Variants in SIK3 observed in about 807,000 individuals in gnomAD.
The protein encoded by SIK3 is serine/threonine-protein kinase SIK3.
Under a neutral mutation model 144.2 loss-of-function variants are expected in SIK3, and 28 were observed. The ratio of observed to expected loss-of-function variants is 0.19; its 90% CI spans 0.14 to 0.27. The LOEUF is 0.27. Among genes scored for constraint, SIK3 ranks in the 10% least tolerant of loss-of-function variants. The probability of loss-of-function intolerance (pLI) is 1.00; values close to 1 mark genes in which losing one functional copy is unlikely to be tolerated. For synonymous variants in SIK3, 686 were observed against 676.3 expected (o/e 1.01, Z -0.22); for missense variants, 1,319 against 1,776.0 (o/e 0.74, Z 4.62).
chr11:116,900,225 A>G (rs527650431), intron 4 of SIK3, among the ~76,000 whole-genome samples: 4 of 152,288 alleles, frequency 2.6e-5, no homozygotes, highest in African/African-American at 9.6e-5. Context: ...CTGTGTTACT[A>G]GAAACACTGG....
At chr11:116,983,240 A>T (rs1412276478) in intron 1 of SIK3, among the ~76,000 whole-genome samples, 4 of 147,730 alleles carry the variant, frequency 2.7e-5, no homozygotes, top group Non-Finnish European at 6.0e-5. Context: ...AAAAAAAAAA[A>T]AAATTGATCG....
chr11:116,875,492 C>T (rs1944205073), intron 9 of SIK3, 41 bp from the exon 10 acceptor site: 1 of 1,582,126 alleles, frequency 6.3e-7, no homozygotes, highest in African/African-American at 1.3e-5. Flanking sequence ...ACCTTTAACA[C>T]TAGAGAGAAA....
At position 116,847,616 on chromosome 11, in the gene SIK3, A is replaced by G; in HGVS notation, c.3820-8T>C. ...CAAGTTATCCAGCTGTACCTGCAGAAAACAGTTAAGAGAAGAAATAAGCAC... is the reference window on the plus strand; with the variant it reads ...CAAGTTATCCAGCTGTACCTGCAGAGAACAGTTAAGAGAAGAAATAAGCAC... On this transcript the variant is annotated splice_polypyrimidine_tract_variant and splice_region_variant and intron_variant, in intron 22 of 24. Transcript: ENST00000445177. The G allele has an allele frequency of 1.2e-6, 2 of 1,614,124 alleles. No individual in the cohort carries two copies. The highest frequency in any genetic ancestry group is 1.3e-5 in the African/African-American group (1 of 75,056).
chr11:116,868,017 T>C lies in SIK3; in HGVS notation c.1881A>G (p.Leu627=). The C allele has an allele frequency of 6.4e-7, 1 of 1,550,622 alleles. No homozygotes were observed. Among genetic ancestry groups the C allele is most frequent in the Non-Finnish European group, 8.7e-7 (1 of 1,146,984 alleles). The part of the protein sequence containing the change: ...TNPTAEIPPD[L]QRQLGQQPFR... ...AAGGCTGCTGTCCTAGCTGCCGTTG[T>C]AGGTCCGGTGGGATCTCAGCTGTAG... is the stretch of plus-strand genomic sequence containing the variant. The change falls in exon 15 of 25, where the codon CTA becomes CTG. Residue 627 remains leucine, a synonymous_variant. Transcript: ENST00000445177.
chr11:116,965,226 A>G (rs1006201804), intron 1 of SIK3, among the ~76,000 whole-genome samples: 15 of 152,222 alleles, frequency 9.9e-5, no homozygotes, highest in East Asian at 3.9e-4. Flanking sequence ...ACCCTCTCAG[A>G]AAACAGAAGC....
intron 1 of SIK3, among the ~76,000 whole-genome samples, chr11:117,028,155 T>G (rs965972265): frequency 1.3e-5 from 2 of 152,188 alleles, no homozygotes; most frequent in South Asian, 4.1e-4. Flanking sequence ...GGAAACAACC[T>G]GCTTAAAATT....
chr11:116,972,642 G>A (rs2135473380), intron 1 of SIK3, among the ~76,000 whole-genome samples: 1 of 152,178 alleles, frequency 6.6e-6, no homozygotes, highest in South Asian at 2.1e-4. Context: ...ACTGGATGCA[G>A]TCCTACTCAA....
At chr11:116,982,480 G>C (rs1419359488) in intron 1 of SIK3, among the ~76,000 whole-genome samples, 1 of 151,922 alleles carries the variant, frequency 6.6e-6, no homozygotes, top group African/African-American at 2.4e-5. Flanking sequence ...AGTGGAGACA[G>C]GGTTTCACCA....
intron 1 of SIK3, among the ~76,000 whole-genome samples, chr11:117,080,998 T>G (rs1050408511): frequency 6.6e-6 from 1 of 152,008 alleles, no homozygotes; most frequent in African/African-American, 2.4e-5. Flanking sequence ...AATAGGCTAC[T>G]ATGTAAAGTA....
chr11:117,048,927 C>T (rs951479636), intron 1 of SIK3, among the ~76,000 whole-genome samples: 1 of 151,466 alleles, frequency 6.6e-6, no homozygotes, highest in Non-Finnish European at 1.5e-5. Context: ...ATGGTGAAAC[C>T]CCGTCTCTGC....
At chr11:116,889,109 A>C (rs952826082) in intron 6 of SIK3, among the ~76,000 whole-genome samples, 4 of 152,184 alleles carry the variant, frequency 2.6e-5, no homozygotes, top group Admixed American at 6.5e-5. Flanking sequence ...ACAAACACTA[A>C]ATTTGAATAC....
intron 4 of SIK3, among the ~76,000 whole-genome samples, chr11:116,901,163 C>T (rs538926326): frequency 6.6e-6 from 1 of 152,338 alleles, no homozygotes; most frequent in South Asian, 2.1e-4. Context: ...CTGCGCCCAG[C>T]CTCTGCCTTA....
At position 117,098,210 on chromosome 11, in the gene SIK3, T is replaced by C; in HGVS notation, c.206A>G (p.Asp69Gly). ...GAAGTTGCCCTTGCCGATGGTGCGG[T>C]CGATCTCGTAGTAGCCGATACGGGC... ...MPARIGYYEI[D>G]RTIGKGNFAV... The change falls in exon 1 of 25, where the codon GAC (aspartate) becomes GGC (glycine). Residue 69 changes from aspartate to glycine, a missense_variant. Asp to Gly is a moderately conservative substitution (Grantham distance 94). Transcript: ENST00000445177. 2 of 1,517,726 alleles carry C rather than the reference T, an allele frequency of 1.3e-6. No individual in the cohort carries two copies. Among genetic ancestry groups the C allele is most frequent in the Non-Finnish European group, 1.8e-6 (2 of 1,133,570 alleles). 94.0% of individuals were successfully genotyped at this position (1,517,726 alleles called of 1,614,324 possible). A position where few individuals can be genotyped will look rare whatever the true frequency, so the allele number is the denominator to read the frequency against.
chr11:116,851,151 A>T (rs970483644), intron 21 of SIK3, among the ~76,000 whole-genome samples: 4 of 152,258 alleles, frequency 2.6e-5, no homozygotes, highest in Admixed American at 1.3e-4. Context: ...TATCAAAGCC[A>T]CACCTATGTT....
chr11:116,996,037 G>C (rs1950653242), intron 1 of SIK3, among the ~76,000 whole-genome samples: 2 of 152,180 alleles, frequency 1.3e-5, no homozygotes, highest in South Asian at 4.1e-4. Flanking sequence ...GCTGGGTGCA[G>C]TGGTTCATGC....
At chr11:116,960,023 A>C (rs533203671) in intron 1 of SIK3, among the ~76,000 whole-genome samples, 6 of 152,226 alleles carry the variant, frequency 3.9e-5, no homozygotes, top group Non-Finnish European at 7.3e-5. Context: ...ATGCAGCAAA[A>C]TATCAAATGT....
intron 21 of SIK3, among the ~76,000 whole-genome samples, chr11:116,852,284 T>C (rs1312478138): frequency 6.6e-6 from 1 of 152,228 alleles, no homozygotes; most frequent in African/African-American, 2.4e-5. Flanking sequence ...CCCACCCTCC[T>C]TTGGGCTCTG....
chr11:117,050,354 C>T (rs1388024028), intron 1 of SIK3, among the ~76,000 whole-genome samples: 1 of 151,824 alleles, frequency 6.6e-6, no homozygotes, highest in African/African-American at 2.4e-5. Context: ...ATACAGGACT[C>T]GATGTACTAA....
intron 1 of SIK3, among the ~76,000 whole-genome samples, chr11:117,017,304 T>G (rs972545375): frequency 2.6e-5 from 4 of 152,056 alleles, no homozygotes; most frequent in African/African-American, 9.7e-5. Flanking sequence ...TATCAAAAAG[T>G]TAGCATGTTG....
Sources: allele counts gnomAD v4.1 joint callset (sites outside exome capture counted in the v4.1 genomes callset), GRCh38; gene constraint gnomAD v4.1.1; transcripts MANE v1.5; gene names NCBI Gene and HGNC (gene_info 2026-07-23, HGNC 2026-07-21).